THUMPD2: variants seen among roughly 807,000 people sequenced by gnomAD.
The protein encoded by THUMPD2 is THUMP domain 2 tRNA and snRNA guanosine methyltransferase, also known as U6 snRNA (guanine-N(2))-methyltransferase THUMPD2.
In THUMPD2, 56 loss-of-function variants were observed where a neutral mutation model predicts 49.4. The observed-to-expected ratio is 1.13, with a 90% CI of 0.91 to 1.41. The LOEUF (loss-of-function observed/expected upper bound fraction) is 1.41, where lower values mean the gene tolerates loss of function less well. Among genes scored for constraint, THUMPD2 ranks in the 40% most tolerant of loss-of-function variants. The pLI is 0.00. For missense variants in THUMPD2, 709 were observed against 594.5 expected (o/e 1.19, Z -2.00); for synonymous variants, 237 against 205.2 (o/e 1.15, Z -1.32).
At chr2:39,755,838 A>G (rs751749274) in intron 7 of THUMPD2, 51 bp downstream of exon 7, 2 of 1,458,254 alleles carry the variant, frequency 1.4e-6, no homozygotes, top group South Asian at 2.3e-5. Flanking sequence ...TATACTACAT[A>G]TACTGATTAA....
intron 6 of THUMPD2, among the ~76,000 whole-genome samples, chr2:39,759,287 A>G (rs1219835163): frequency 6.6e-6 from 1 of 152,032 alleles, no homozygotes. Flanking sequence ...TTATAATTAT[A>G]TATTTGAAAT....
intron 5 of THUMPD2, among the ~76,000 whole-genome samples, chr2:39,762,328 T>C (rs541521329): frequency 6.6e-6 from 1 of 152,288 alleles, no homozygotes; most frequent in South Asian, 2.1e-4. Flanking sequence ...AACAGAATTC[T>C]AGGTATGTGA....
chr2:39,767,885 G>A (rs1029708090), intron 4 of THUMPD2, among the ~76,000 whole-genome samples: 7 of 152,076 alleles, frequency 4.6e-5, no homozygotes, highest in South Asian at 2.1e-4. Context: ...TTGGTTATAC[G>A]TCAACTTTAT....
intron 8 of THUMPD2, among the ~76,000 whole-genome samples, chr2:39,745,473 A>T (rs1201326226): frequency 2.0e-5 from 3 of 152,216 alleles, no homozygotes. Context: ...TTTTAACCTC[A>T]TGGTTTTAGG....
At chr2:39,766,770 C>T (rs762272949) in intron 4 of THUMPD2, among the ~76,000 whole-genome samples, 11 of 151,986 alleles carry the variant, frequency 7.2e-5, no homozygotes, top group Admixed American at 4.6e-4. Flanking sequence ...ATACTCGCAC[C>T]CCAAGATAAC....
chr2:39,770,532 G>A (rs1252835872), intron 2 of THUMPD2, among the ~76,000 whole-genome samples: 1 of 151,960 alleles, frequency 6.6e-6, no homozygotes, highest in Non-Finnish European at 1.5e-5. Flanking sequence ...AGAAACAGAG[G>A]AGCTGAATCT....
intron 9 of THUMPD2, among the ~76,000 whole-genome samples, chr2:39,741,688 T>C (rs1328924002): frequency 6.6e-6 from 1 of 152,234 alleles, no homozygotes; most frequent in Non-Finnish European, 1.5e-5. Flanking sequence ...TAATCATTTA[T>C]CTGACAATCT....
At chr2:39,779,016 G>T (rs1170305032) in intron 1 of THUMPD2, 98 bp downstream of exon 1, 2 of 1,334,476 alleles carry the variant, frequency 1.5e-6, no homozygotes, top group Non-Finnish European at 9.6e-7. Flanking sequence ...GAACAGAGAG[G>T]GGCGCCAGCG....
intron 5 of THUMPD2, among the ~76,000 whole-genome samples, chr2:39,764,448 A>C (rs1238183074): frequency 3.9e-5 from 6 of 152,222 alleles, no homozygotes; most frequent in African/African-American, 7.2e-5. Context: ...GTAGTAGGTG[A>C]TGTGTACAGA....
intron 6 of THUMPD2, among the ~76,000 whole-genome samples, chr2:39,760,794 A>T (rs879710612): frequency 2.6e-5 from 4 of 152,328 alleles, no homozygotes; most frequent in Admixed American, 2.6e-4. Context: ...ATGTATTGAT[A>T]GTCATGAACA....
At chr2:39,775,161 A>G (rs1678906193) in intron 1 of THUMPD2, among the ~76,000 whole-genome samples, 1 of 152,140 alleles carries the variant, frequency 6.6e-6, no homozygotes, top group Admixed American at 6.5e-5. Flanking sequence ...CTGTAGTCCA[A>G]GAGGCTACTC....
chr2:39,751,225 C>G (rs1675357591), intron 8 of THUMPD2, among the ~76,000 whole-genome samples: 1 of 152,220 alleles, frequency 6.6e-6, no homozygotes, highest in South Asian at 2.1e-4. Context: ...AGAGGCATGA[C>G]AGGCAGCAAG....
intron 8 of THUMPD2, among the ~76,000 whole-genome samples, chr2:39,749,751 C>T (rs1290915078): frequency 6.6e-6 from 1 of 152,096 alleles, no homozygotes; most frequent in Non-Finnish European, 1.5e-5. Flanking sequence ...AATGCTCTCC[C>T]TCCCCTCCCA....
intron 9 of THUMPD2, among the ~76,000 whole-genome samples, chr2:39,743,797 T>A (rs1229164626): frequency 6.6e-6 from 1 of 152,184 alleles, no homozygotes; most frequent in East Asian, 1.9e-4. Flanking sequence ...GACTGCAGAA[T>A]CATGAGCCAA....
At chr2:39,767,473 G>A (rs942777165) in intron 4 of THUMPD2, among the ~76,000 whole-genome samples, 2 of 149,524 alleles carry the variant, frequency 1.3e-5, no homozygotes, top group East Asian at 2.0e-4. Context: ...GCGTAGTGGC[G>A]GGCGCCTGTA....
chr2:39,754,903 CAGTA>C (rs1365070828), intron 8 of THUMPD2, among the ~76,000 whole-genome samples: 4 of 152,138 alleles, frequency 2.6e-5, no homozygotes, highest in Admixed American at 2.6e-4. Flanking sequence ...TGAGGCAAGA[CAGTA>C]AGATAATTCA....
At chr2:39,764,116 T>C (rs1307973337) in intron 5 of THUMPD2, among the ~76,000 whole-genome samples, 1 of 152,216 alleles carries the variant, frequency 6.6e-6, no homozygotes, top group Non-Finnish European at 1.5e-5. Context: ...TCCTTTATCT[T>C]TCTGCTCACA....
chr2:39,768,506 A>G lies in THUMPD2; in HGVS notation c.673-5T>C, dbSNP rs1362846381. 3 of 1,606,926 alleles carry G rather than the reference A, an allele frequency of 1.9e-6. No individual in the cohort carries two copies. Among genetic ancestry groups the G allele is most frequent in the South Asian group, 2.2e-5 (2 of 89,872 alleles). ...TCCAATTACTTTTCCTACCTCCTGG[A>G]AAAGTACCAAGTTAAAGAAAAGAAT... On this transcript the variant is annotated splice_region_variant and splice_polypyrimidine_tract_variant and intron_variant, in intron 3 of 9. Transcript: ENST00000505747.
At chr2:39,749,659 A>G (rs866700400) in intron 8 of THUMPD2, among the ~76,000 whole-genome samples, 6 of 152,186 alleles carry the variant, frequency 3.9e-5, no homozygotes, top group Middle Eastern at 3.4e-3. Flanking sequence ...GGTTTGCTAC[A>G]TAATGTGTGT....
Sources: allele counts gnomAD v4.1 joint callset (sites outside exome capture counted in the v4.1 genomes callset), GRCh38; gene constraint gnomAD v4.1.1; transcripts MANE v1.5; gene names NCBI Gene and HGNC (gene_info 2026-07-23, HGNC 2026-07-21).